DCC: variants seen among roughly 807,000 people sequenced by gnomAD.
DCC encodes the protein DCC netrin 1 receptor, also known as netrin receptor DCC.
In DCC, 58 loss-of-function variants were observed where a neutral mutation model predicts 172.5. That is an observed-to-expected ratio of 0.34 (90% confidence interval 0.27 to 0.42). The LOEUF (loss-of-function observed/expected upper bound fraction) is 0.42, where lower values mean the gene tolerates loss of function less well. Among genes scored for constraint, DCC ranks in the 10% least tolerant of loss-of-function variants. DCC has a pLI of 1.00. For synonymous variants in DCC, 709 were observed against 644.5 expected, an observed-to-expected ratio of 1.10 and a Z score of -1.52; for missense variants, 1,740 against 1,791.0, an observed-to-expected ratio of 0.97 and a Z score of 0.51.
chr18:53,362,842 C>G (rs935871396), intron 15 of DCC, among the ~76,000 whole-genome samples: 1 of 152,120 alleles, frequency 6.6e-6, no homozygotes, highest in Non-Finnish European at 1.5e-5. Context: ...GCTGTATTAT[C>G]TACACCTAGG....
chr18:53,049,174 C>A (rs2042300135), intron 5 of DCC, among the ~76,000 whole-genome samples: 1 of 139,650 alleles, frequency 7.2e-6, no homozygotes, highest in Non-Finnish European at 1.6e-5. Flanking sequence ...CATGCAGAGG[C>A]TCTTTAGTTT....
chr18:53,113,531 T>A (rs930401099), intron 7 of DCC, among the ~76,000 whole-genome samples: 1 of 151,426 alleles, frequency 6.6e-6, no homozygotes, highest in Non-Finnish European at 1.5e-5. Flanking sequence ...TTACTTTGGC[T>A]TTTTTGGTAA....
At chr18:52,778,833 A>G (rs1455327825) in intron 2 of DCC, among the ~76,000 whole-genome samples, 1 of 152,200 alleles carries the variant, frequency 6.6e-6, no homozygotes, top group Non-Finnish European at 1.5e-5. Flanking sequence ...TCAAATACAC[A>G]TGGGCATTGT....
At chr18:52,651,167 T>C (rs1326541420) in intron 1 of DCC, among the ~76,000 whole-genome samples, 8 of 152,216 alleles carry the variant, frequency 5.3e-5, no homozygotes, top group Admixed American at 5.2e-4. Flanking sequence ...TTTGTATTTA[T>C]ATATTTATTT....
At chr18:53,218,858 T>A (rs1231055002) in intron 12 of DCC, among the ~76,000 whole-genome samples, 2 of 152,158 alleles carry the variant, frequency 1.3e-5, no homozygotes, top group Non-Finnish European at 2.9e-5. Flanking sequence ...TTCAAATACA[T>A]ACTACAACTT....
intron 5 of DCC, among the ~76,000 whole-genome samples, chr18:52,997,324 C>T (rs2041497884): frequency 6.6e-6 from 1 of 152,042 alleles, no homozygotes; most frequent in African/African-American, 2.4e-5. Flanking sequence ...GATTTTTGGA[C>T]TTCTAAATAT....
chr18:53,525,755 A>G (rs947572112), intron 27 of DCC, among the ~76,000 whole-genome samples: 1 of 152,104 alleles, frequency 6.6e-6, no homozygotes, highest in Non-Finnish European at 1.5e-5. Flanking sequence ...AACTGAGGCC[A>G]CTGTCTTTTC....
intron 1 of DCC, among the ~76,000 whole-genome samples, chr18:52,404,229 A>G (rs951192283): frequency 1.3e-5 from 2 of 152,066 alleles, no homozygotes; most frequent in Admixed American, 6.6e-5. Flanking sequence ...GGAAATGATT[A>G]TGTTCATAAT....
intron 2 of DCC, among the ~76,000 whole-genome samples, chr18:52,872,361 T>G (rs1471832309): frequency 6.6e-6 from 1 of 152,114 alleles, no homozygotes; most frequent in African/African-American, 2.4e-5. Flanking sequence ...CTTTTAAAGG[T>G]GTCAGAAGCT....
At chr18:52,612,439 A>C (rs944428626) in intron 1 of DCC, among the ~76,000 whole-genome samples, 1 of 149,718 alleles carries the variant, frequency 6.7e-6, no homozygotes, top group African/African-American at 2.4e-5. Flanking sequence ...CTATAGTCAG[A>C]GTGGCTTTGA....
intron 12 of DCC, among the ~76,000 whole-genome samples, chr18:53,304,970 C>T (rs925405030): frequency 1.3e-5 from 2 of 152,112 alleles, no homozygotes; most frequent in Non-Finnish European, 2.9e-5. Flanking sequence ...CAGGTCTTTC[C>T]TGTGCTGTTC....
intron 7 of DCC, among the ~76,000 whole-genome samples, chr18:53,146,511 C>T (rs1305501648): frequency 6.6e-6 from 1 of 152,170 alleles, no homozygotes; most frequent in Non-Finnish European, 1.5e-5. Flanking sequence ...GAGGGCAGAG[C>T]CCTGATGACT....
At chr18:52,481,897 T>A (rs28419111) in intron 1 of DCC, among the ~76,000 whole-genome samples, 8,778 of 152,146 alleles carry the variant, frequency 0.058, 311 homozygotes, top group South Asian at 0.12. Flanking sequence ...TAAAATTATA[T>A]TTATTTCATT....
At chr18:52,682,530 G>A (rs189490347) in intron 1 of DCC, among the ~76,000 whole-genome samples, 2 of 152,104 alleles carry the variant, frequency 1.3e-5, no homozygotes, top group Non-Finnish European at 1.5e-5. Flanking sequence ...CTGGAGAGGC[G>A]GGCAGGAACT....
intron 5 of DCC, among the ~76,000 whole-genome samples, chr18:53,029,006 C>T (rs1241424289): frequency 6.6e-6 from 1 of 152,008 alleles, no homozygotes; most frequent in African/African-American, 2.4e-5. Flanking sequence ...GTCTTTACAA[C>T]TAATTCACAA....
At chr18:52,578,098 T>C (rs1279182500) in intron 1 of DCC, among the ~76,000 whole-genome samples, 1 of 152,228 alleles carries the variant, frequency 6.6e-6, no homozygotes, top group Non-Finnish European at 1.5e-5. Context: ...TTGCTATTCC[T>C]TCCAACCTGA....
intron 1 of DCC, among the ~76,000 whole-genome samples, chr18:52,588,829 A>G (rs1005012120): frequency 2.0e-5 from 3 of 152,114 alleles, no homozygotes; most frequent in South Asian, 2.1e-4. Flanking sequence ...GTGAGAAGCC[A>G]TTAAAGAGCT....
chr18:52,950,929 C>CAAAAAAAAAAAAAAAA lies in DCC; in HGVS notation c.985+25586_985+25601dup, dbSNP rs755118442. Among the ~76,000 whole-genome samples, 24 of 57,424 alleles carry CAAAAAAAAAAAAAAAA rather than the reference C, an allele frequency of 4.2e-4. 1 individual carries two copies. The highest frequency in any genetic ancestry group is 2.4e-3 in the East Asian group (3 of 1,238). The allele number at this position is 57,424 out of a possible 152,430, so 37.7% of individuals were successfully genotyped here. Reference sequence around the variant, plus strand: ...TGGGCGACAGAGTGAGACTCCGTCTCAAAAAAAAAAAAAAAAAAAAAAAAA... The same window carrying CAAAAAAAAAAAAAAAA: ...TGGGCGACAGAGTGAGACTCCGTCTCAAAAAAAAAAAAAAAAAAAAAAAAAAAAAAAAAAAAAAAAA... On this transcript the variant is annotated intron_variant, in intron 5 of 28. Transcript: ENST00000442544.
At chr18:53,483,296 A>G (rs968562977) in intron 25 of DCC, among the ~76,000 whole-genome samples, 1 of 151,876 alleles carries the variant, frequency 6.6e-6, no homozygotes, top group African/African-American at 2.4e-5. Flanking sequence ...CTTTGTACTA[A>G]TTACTCTCAA....
Sources: gnomAD v4.1 joint callset for allele counts (sites outside exome capture counted in the v4.1 genomes callset) on GRCh38, gnomAD v4.1.1 for gene constraint, MANE v1.5 for transcripts, NCBI Gene and HGNC (gene_info 2026-07-23, HGNC 2026-07-21) for gene names.